Variants in OTOG observed in about 807,000 individuals in gnomAD.
OTOG encodes otogelin.
In OTOG, 296 loss-of-function variants were observed where a neutral mutation model predicts 313.8. The observed-to-expected ratio is 0.94, with a 90% confidence interval of 0.86 to 1.04. OTOG has a LOEUF of 1.04. Among genes scored for constraint, OTOG ranks in the 50% least tolerant of loss-of-function variants. OTOG has a pLI of 0.00. For missense variants in OTOG, 3,948 were observed against 3,840.1 expected, an observed-to-expected ratio of 1.03 and a Z score of -0.74; for synonymous variants, 1,533 against 1,554.9, an observed-to-expected ratio of 0.99 and a Z score of 0.33.
rs1590021292 is a variant in OTOG, at chr11:17,586,501, C to T, written c.2787C>T (p.Phe929=). 6.9e-7 allele frequency: 1 copy of T among 1,446,000 alleles called. No individual in the cohort carries two copies. The highest frequency in any genetic ancestry group is 9.1e-7 in the Non-Finnish European group (1 of 1,094,428). The allele number at this position is 1,446,000 out of a possible 1,614,324, so 89.6% of individuals were successfully genotyped here. A position where few individuals can be genotyped will look rare whatever the true frequency, so the allele number is the denominator to read the frequency against. ...TGCTCAGACACGGGGATGCATGTTT[C>T]CTGCCAGAGGAGTGCCCCTGCACTT... ...QGLLRHGDAC[F]LPEECPCTWK... The change falls in exon 24 of 56, where the codon TTC becomes TTT. Residue 929 remains phenylalanine (F), a synonymous_variant. Transcript: ENST00000399397.
chr11:17,594,230 C>A (rs1266625545), intron 28 of OTOG, 64 bp downstream of exon 28: 2 of 1,543,734 alleles, frequency 1.3e-6, no homozygotes, highest in Non-Finnish European at 8.8e-7. Flanking sequence ...AGCACTGAAC[C>A]CGGCCCAAGG....
rs1283080289 is a variant in OTOG at position 17,599,698 on chromosome 11, G to C, written c.3709+1G>C. On this transcript the variant is annotated splice_donor_variant, in intron 31 of 55. Transcript: ENST00000399397. LOFTEE classifies it high-confidence loss of function. ...TATGACTGTGACTTCTTTAACAAAG[G>C]TAAGCCCCTCCTCCCCACGCAGAGT... 2 of 1,550,500 alleles carry C rather than the reference G, an allele frequency of 1.3e-6. No individual in the cohort carries two copies. Among genetic ancestry groups the C allele is most frequent in the African/African-American group, 2.7e-5 (2 of 73,022 alleles).
At chr11:17,568,203 G>A (rs749491736) in intron 15 of OTOG, among the ~76,000 whole-genome samples, 3 of 152,114 alleles carry the variant, frequency 2.0e-5, no homozygotes, top group Admixed American at 6.5e-5. Flanking sequence ...CACCGCACCC[G>A]GCCAGTAACA....
At chr11:17,583,246 C>T (rs189521159) in intron 23 of OTOG, among the ~76,000 whole-genome samples, 21 of 152,184 alleles carry the variant, frequency 1.4e-4, no homozygotes, top group Admixed American at 7.2e-4. Flanking sequence ...GCGATTCTCC[C>T]GCCTCAGCCT....
chr11:17,602,392 A>G lies in OTOG; in HGVS notation c.3877+15A>G. 6.5e-7 allele frequency: 1 copy of G among 1,545,458 alleles called. No homozygotes were observed. Among genetic ancestry groups the G allele is most frequent in the Non-Finnish European group, 8.7e-7 (1 of 1,143,614 alleles). ...CAAGGCCCATGGTAAGGCCCATCCC[A>G]GTCCCACTCCAGCTCTTCTGGGAGG... On this transcript the variant is annotated intron_variant, in intron 32 of 55. Transcript: ENST00000399397.
rs143019994 is a variant in OTOG, at chr11:17,631,356, T to TTCTC, written c.6713-326_6713-323dup. Among the ~76,000 whole-genome samples the TTCTC allele has an allele frequency of 0.023, 3,242 of 141,648 alleles. 174 individuals are homozygous for TTCTC. The highest frequency in any genetic ancestry group is 0.085 in the African/African-American group (3,074 of 36,262). 92.9% of individuals were successfully genotyped at this position (141,648 alleles called of 152,430 possible). ...AGATTTGCCCCATTTGCTTCTCTCCTTCTCTCTCTCTCTCTCTCTCTCTGT... is the reference window on the plus strand; with the variant it reads ...AGATTTGCCCCATTTGCTTCTCTCCTTCTCTCTCTCTCTCTCTCTCTCTCTCTGT... On this transcript the variant is annotated intron_variant, in intron 40 of 55. Coordinates refer to ENST00000399397, the MANE Select transcript of OTOG (RefSeq NM_001292063.2).
Position 17,596,922 on chromosome 11 carries a change from G to A in OTOG, c.3597G>A (p.Glu1199=). 1 of 1,550,858 alleles carries A rather than the reference G, an allele frequency of 6.4e-7. No homozygotes were observed. The highest frequency in any genetic ancestry group is 8.7e-7 in the Non-Finnish European group (1 of 1,147,058). Residue 1199 remains glutamate (E), a synonymous_variant, in exon 30 of 56, where the codon GAG becomes GAA. Transcript: ENST00000399397. Reference sequence around the variant, plus strand: ...GCTGCAGCCAGGGTGGTGACTGTGAGTGCTTCTGTGCCAGCGTCTCCGCTT... The same window carrying A: ...GCTGCAGCCAGGGTGGTGACTGTGAATGCTTCTGTGCCAGCGTCTCCGCTT... ...TCGCSQGGDC[E]CFCASVSAYA...
rs1247708357 is a variant in OTOG, at chr11:17,633,886, C to T, written c.7267+12C>T. 3 of 1,519,624 alleles carry T rather than the reference C, an allele frequency of 2.0e-6. No homozygotes were observed. In the African/African-American group the frequency reaches 4.1e-5, roughly 21 times the overall value. 94.1% of individuals were successfully genotyped at this position (1,519,624 alleles called of 1,614,324 possible). A position where few individuals can be genotyped will look rare whatever the true frequency, so the allele number is the denominator to read the frequency against. ...GGAGGCCAAGTGCGGTAGGTTCCTC[C>T]CCTCCCTGAGTGGGGGGCCTCCAAA... On this transcript the variant is annotated intron_variant, in intron 43 of 55. Coordinates refer to ENST00000399397, the MANE Select transcript of OTOG (RefSeq NM_001292063.2).
chr11:17,635,806 G>T, intron 47 of OTOG, 95 bp downstream of exon 47: 1 of 1,049,402 alleles, frequency 9.5e-7, no homozygotes, highest in Non-Finnish European at 1.4e-6. Flanking sequence ...GGGAGCAACA[G>T]AGCGCCCCCA....
intron 32 of OTOG, among the ~76,000 whole-genome samples, chr11:17,604,625 T>A (rs1043477791): frequency 6.6e-6 from 1 of 152,168 alleles, no homozygotes; most frequent in Non-Finnish European, 1.5e-5. Flanking sequence ...AGAAATTTAT[T>A]CTCTCTCCAC....
chr11:17,573,551 C>T (rs939693097), intron 19 of OTOG, among the ~76,000 whole-genome samples: 1 of 152,226 alleles, frequency 6.6e-6, no homozygotes, highest in African/African-American at 2.4e-5. Context: ...TCCTGTCAGT[C>T]CTGTTAATCC....
chr11:17,619,415 G>A (rs1853808451), intron 39 of OTOG, among the ~76,000 whole-genome samples: 2 of 152,174 alleles, frequency 1.3e-5, no homozygotes, highest in Admixed American at 6.5e-5. Context: ...CCTCAACATA[G>A]TGATGTTTAT....
At chr11:17,637,143 A>G (rs74480704) in intron 47 of OTOG, among the ~76,000 whole-genome samples, 5,770 of 152,322 alleles carry the variant, frequency 0.038, 127 homozygotes, top group South Asian at 0.084. Context: ...CCAATGCTTT[A>G]GTGGATACAT....
intron 54 of OTOG, among the ~76,000 whole-genome samples, chr11:17,644,077 G>C (rs998717508): frequency 2.6e-5 from 4 of 152,384 alleles, no homozygotes; most frequent in African/African-American, 4.8e-5. Context: ...GGGCAAGGGA[G>C]GGGGAGGGCC....
At chr11:17,554,907 G>C (rs1375479462) in intron 6 of OTOG, among the ~76,000 whole-genome samples, 1 of 152,214 alleles carries the variant, frequency 6.6e-6, no homozygotes, top group Non-Finnish European at 1.5e-5. Context: ...GCATGATAGA[G>C]ATAAGTATTA....
intron 49 of OTOG, among the ~76,000 whole-genome samples, chr11:17,640,371 T>C (rs1847944034): frequency 6.6e-6 from 1 of 152,186 alleles, no homozygotes; most frequent in South Asian, 2.1e-4. Context: ...CTTTAAGAAA[T>C]GTGAAGTCGT....
At chr11:17,564,845 C>T (rs1326069391) in intron 15 of OTOG, among the ~76,000 whole-genome samples, 2 of 152,202 alleles carry the variant, frequency 1.3e-5, no homozygotes, top group Non-Finnish European at 2.9e-5. Flanking sequence ...CCACAGCCAG[C>T]AGGAGGCAGA....
chr11:17,639,295 C>A, intron 48 of OTOG, 128 bp from the exon 49 acceptor site: 2 of 976,182 alleles, frequency 2.0e-6, no homozygotes, highest in Admixed American at 2.1e-5. Flanking sequence ...CCTCTCCTCT[C>A]CCAGGCCTGG....
chr11:17,629,110 C>T (rs747212261), intron 39 of OTOG, 23 bp from the exon 40 acceptor site: 34 of 1,544,930 alleles, frequency 2.2e-5, no homozygotes, highest in African/African-American at 4.1e-5. Context: ...ACAAGCTGTG[C>T]TCACACTGAA....
Sources: gnomAD v4.1 joint callset for allele counts (sites outside exome capture counted in the v4.1 genomes callset) on GRCh38, gnomAD v4.1.1 for gene constraint, MANE v1.5 for transcripts, NCBI Gene and HGNC (gene_info 2026-07-23, HGNC 2026-07-21) for gene names.